Variants in CECR2 observed in about 807,000 individuals in gnomAD.
The protein encoded by CECR2 is chromatin remodeling regulator CECR2.
Under a neutral mutation model 154.5 loss-of-function variants are expected in CECR2, and 30 were observed. The ratio of observed to expected loss-of-function variants is 0.19; its 90% CI spans 0.15 to 0.26. The LOEUF (loss-of-function observed/expected upper bound fraction) is 0.26, where lower values mean the gene tolerates loss of function less well. Among genes scored for constraint, CECR2 ranks in the 10% least tolerant of loss-of-function variants. The pLI is 1.00. For missense variants in CECR2, 1,743 were observed against 1,829.3 expected (o/e 0.95, Z 0.86); for synonymous variants, 725 against 683.7 (o/e 1.06, Z -0.94).
intron 8 of CECR2, 73 bp from the exon 9 acceptor site, chr22:17,524,045 C>A: frequency 8.3e-7 from 1 of 1,205,022 alleles, no homozygotes; most frequent in Non-Finnish European, 1.2e-6. Flanking sequence ...ATACTGAATT[C>A]AATGAACTGA....
intron 1 of CECR2, among the ~76,000 whole-genome samples, chr22:17,458,662 A>G (rs376819941): frequency 1.3e-5 from 2 of 152,332 alleles, no homozygotes; most frequent in East Asian, 3.9e-4. Flanking sequence ...CAGAATGAAT[A>G]GTAAAATCTA....
At chr22:17,521,412 C>T (rs1231952227) in intron 8 of CECR2, among the ~76,000 whole-genome samples, 1 of 151,860 alleles carries the variant, frequency 6.6e-6, no homozygotes, top group African/African-American at 2.4e-5. Context: ...TGGTGGCGGG[C>T]GCCTGTAGTC....
intron 9 of CECR2, among the ~76,000 whole-genome samples, chr22:17,527,551 G>C (rs1414168650): frequency 6.6e-6 from 1 of 152,182 alleles, no homozygotes; most frequent in Non-Finnish European, 1.5e-5. Context: ...CAGATGACTT[G>C]AGATCAGGAG....
At chr22:17,472,184 G>T (rs1196888618) in intron 1 of CECR2, among the ~76,000 whole-genome samples, 1 of 152,196 alleles carries the variant, frequency 6.6e-6, no homozygotes, top group Non-Finnish European at 1.5e-5. Context: ...AAAGTGTTAT[G>T]TAGCTGGTTT....
In CECR2 at chr22:17,497,601, C is replaced by T. The variant is rs763886841; in HGVS notation, c.405+15C>T. ...ATCTTCTAAAGGTATGCTTAACTGG[C>T]GAACCTTTCCCTGTAGCTGTGAAAA... On this transcript the variant is annotated intron_variant, in intron 3 of 18. Coordinates refer to ENST00000262608, the MANE Select transcript of CECR2 (RefSeq NM_001290047.2). 103 of 1,610,598 alleles carry T rather than the reference C, an allele frequency of 6.4e-5. No individual in the cohort carries two copies. The highest frequency in any genetic ancestry group is 7.8e-5 in the Non-Finnish European group (92 of 1,177,160).
chr22:17,381,112 A>T (rs892488474), intron 1 of CECR2, among the ~76,000 whole-genome samples: 1 of 146,108 alleles, frequency 6.8e-6, no homozygotes, highest in Non-Finnish European at 1.5e-5. Context: ...GGCGGGGGGG[A>T]AGGTGCTTTA....
intron 1 of CECR2, among the ~76,000 whole-genome samples, chr22:17,452,116 A>G (rs5746399): frequency 0.29 from 44,814 of 152,114 alleles, 9,325 homozygotes; most frequent in African/African-American, 0.56. Flanking sequence ...TCTTTCGCCC[A>G]GCCTGGAGTG....
At chr22:17,393,024 A>AGT (rs2063341779) in intron 1 of CECR2, among the ~76,000 whole-genome samples, 8 of 152,186 alleles carry the variant, frequency 5.3e-5, no homozygotes, top group Admixed American at 5.2e-4. Flanking sequence ...TGGGTGACAG[A>AGT]GTGAGACTCT....
rs1491166897 is a variant in CECR2, at chr22:17,549,783, G to GTTTTTTTTTTTTTTTTT, written c.4277+219_4277+220insTTTTTTTTTTTTTTTTT. 3.4e-5 allele frequency among the ~76,000 whole-genome samples: 3 copies of GTTTTTTTTTTTTTTTTT among 88,856 alleles called. 1 individual carries two copies. The highest frequency in any genetic ancestry group is 4.4e-5 in the African/African-American group (1 of 22,976). 58.3% of individuals were successfully genotyped at this position (88,856 alleles called of 152,430 possible). A position where few individuals can be genotyped will look rare whatever the true frequency, so the allele number is the denominator to read the frequency against. ...TGCCACCACACCCAGCTAACTTTTT[G>GTTTTTTTTTTTTTTTTT]GTTTTTTTTTTTTTTTTTTTTTGGT... On this transcript the variant is annotated intron_variant, in intron 17 of 18. Coordinates refer to ENST00000262608, the MANE Select transcript of CECR2 (RefSeq NM_001290047.2).
intron 2 of CECR2, among the ~76,000 whole-genome samples, chr22:17,481,960 C>G (rs1027883854): frequency 2.0e-5 from 3 of 151,180 alleles, no homozygotes; most frequent in East Asian, 3.9e-4. Flanking sequence ...ACTAAAGATA[C>G]AAAAAAGTAG....
intron 1 of CECR2, among the ~76,000 whole-genome samples, chr22:17,453,616 A>T (rs913118881): frequency 1.3e-5 from 2 of 152,330 alleles, no homozygotes; most frequent in Non-Finnish European, 2.9e-5. Flanking sequence ...TACTGTATAT[A>T]AAAAGGATAC....
At chr22:17,413,663 G>GATT (rs111990077) in intron 1 of CECR2, among the ~76,000 whole-genome samples, 4,978 of 150,696 alleles carry the variant, frequency 0.033, 106 homozygotes, top group African/African-American at 0.063. Context: ...TTGGAAGGAG[G>GATT]ATTATTATTA....
At position 17,555,094 on chromosome 22, in the gene CECR2, G is replaced by A. The variant is rs996170720; in HGVS notation, c.*2254G>A. The A allele has an allele frequency of 1.2e-4, 19 of 152,304 alleles. No homozygotes were observed. The highest frequency in any genetic ancestry group is 4.3e-4 in the African/African-American group (18 of 41,446). The allele number at this position is 152,304 out of a possible 1,614,324, so 9.4% of individuals were successfully genotyped here. On this transcript the variant is annotated 3_prime_UTR_variant, in exon 19 of 19. Transcript: ENST00000262608. ...GTGGGAGTGGCTGTAAGCAGCAGTT[G>A]GGCCATTGCCCCCTTTCCTTCTGCC...
chr22:17,510,542 G>A (rs1279734746), intron 7 of CECR2, among the ~76,000 whole-genome samples: 4 of 152,094 alleles, frequency 2.6e-5, no homozygotes, highest in Non-Finnish European at 4.4e-5. Context: ...ACTTAAAGAA[G>A]GTCATGACAG....
At chr22:17,477,531 T>G (rs539678127) in intron 1 of CECR2, 57 bp from the exon 2 acceptor site, 35 of 1,116,932 alleles carry the variant, frequency 3.1e-5, no homozygotes, top group Non-Finnish European at 3.9e-5. Flanking sequence ...TAGGAAGGGG[T>G]GTGTATTTTA....
intron 7 of CECR2, among the ~76,000 whole-genome samples, chr22:17,510,883 G>A (rs930863032): frequency 6.6e-6 from 1 of 152,168 alleles, no homozygotes; most frequent in African/African-American, 2.4e-5. Context: ...GGGATTACAG[G>A]CGTGAGCCAC....
chr22:17,365,490 C>G (rs1160727843), upstream of CECR2, among the ~76,000 whole-genome samples: 2 of 151,962 alleles, frequency 1.3e-5, no homozygotes, highest in African/African-American at 4.8e-5. Flanking sequence ...GTCAGGAGAT[C>G]GAGACCAGCC....
At chr22:17,435,199 CT>C (rs2054485121) in intron 1 of CECR2, among the ~76,000 whole-genome samples, 1 of 151,952 alleles carries the variant, frequency 6.6e-6, no homozygotes, top group South Asian at 2.1e-4. Context: ...TTTTTTCTTT[CT>C]TTCTTTCTTT....
chr22:17,548,302 C>A lies in CECR2; in HGVS notation c.3015C>A (p.Leu1005=). ...AAAGGGAAACAGTGGGCCCGGAGCTCAAAAGCAGCTCCTCCGAATCTGCGG... is the reference window on the plus strand; with the variant it reads ...AAAGGGAAACAGTGGGCCCGGAGCTAAAAAGCAGCTCCTCCGAATCTGCGG... ...PQERETVGPE[L]KSSSSESADN... Residue 1005 remains leucine, a synonymous_variant, in exon 17 of 19, where the codon CTC becomes CTA. Transcript: ENST00000262608. 1 of 1,609,976 alleles carries A rather than the reference C, an allele frequency of 6.2e-7. No individual in the cohort carries two copies.
Sources: allele counts gnomAD v4.1 joint callset (sites outside exome capture counted in the v4.1 genomes callset), GRCh38; gene constraint gnomAD v4.1.1; transcripts MANE v1.5; gene names NCBI Gene and HGNC (gene_info 2026-07-23, HGNC 2026-07-21).